PCDHGB2: variants seen among roughly 807,000 people sequenced by gnomAD.
The protein encoded by PCDHGB2 is protocadherin gamma-B2.
A neutral mutation model predicts 59.3 loss-of-function variants in PCDHGB2; 55 were observed. The ratio of observed to expected loss-of-function variants is 0.93; its 90% CI spans 0.75 to 1.16. The LOEUF is 1.16. Ranked by LOEUF, PCDHGB2 falls within the 50% of genes most tolerant of loss-of-function variation. The pLI, the probability that PCDHGB2 is intolerant of heterozygous loss-of-function variation, is 0.00. For missense variants in PCDHGB2, 1,228 were observed against 1,198.5 expected (o/e 1.02, Z -0.36); for synonymous variants, 516 against 512.0 (o/e 1.01, Z -0.11).
rs1434083091 is a variant in PCDHGB2 at position 141,450,833 on chromosome 5, T to TA, written c.2422-43974_2422-43973insA. 6.4e-3 allele frequency among the ~76,000 whole-genome samples: 943 copies of TA among 147,260 alleles called. 6 individuals carry two copies. The highest frequency in any genetic ancestry group is 0.014 in the Middle Eastern group (4 of 276). ...TTATTTAATATTATTATTATTATTT[T>TA]TTTTTTTTTGAGATGGGGTCTTGCT... is the stretch of plus-strand genomic sequence containing the variant. On this transcript the variant is annotated intron_variant, in intron 1 of 3. Coordinates refer to ENST00000522605, the MANE Select transcript of PCDHGB2 (RefSeq NM_018923.3).
chr5:141,364,350 G>C (rs1275891142), intron 1 of PCDHGB2: 2 of 1,550,364 alleles, frequency 1.3e-6, no homozygotes, highest in South Asian at 2.5e-5. Flanking sequence ...CCACCTAGGG[G>C]CTGGGGCTGC....
intron 1 of PCDHGB2, among the ~76,000 whole-genome samples, chr5:141,433,465 C>T (rs1386201581): frequency 6.6e-6 from 1 of 152,060 alleles, no homozygotes; most frequent in Non-Finnish European, 1.5e-5. Context: ...GAAACTTGGG[C>T]TCAGGCTAGC....
At chr5:141,383,449 A>C (rs1231609078) in intron 1 of PCDHGB2, 1 of 1,613,892 alleles carries the variant, frequency 6.2e-7, no homozygotes, top group South Asian at 1.1e-5. Context: ...GGCTGTGCAA[A>C]GTGGAGACGA....
intron 1 of PCDHGB2, among the ~76,000 whole-genome samples, chr5:141,460,445 G>A (rs896549154): frequency 7.2e-5 from 11 of 152,144 alleles, no homozygotes; most frequent in Admixed American, 5.9e-4. Flanking sequence ...AGGTAACAAT[G>A]AAGATTCATA....
Position 141,360,004 on chromosome 5 carries a change from C to T in PCDHGB2, c.-132C>T. The T allele has an allele frequency of 8.4e-7, 1 of 1,185,444 alleles. No homozygotes were observed. The highest frequency in any genetic ancestry group is 1.9e-5 in the South Asian group (1 of 52,060). 73.4% of individuals were successfully genotyped at this position (1,185,444 alleles called of 1,614,324 possible). A position where few individuals can be genotyped will look rare whatever the true frequency, so the allele number is the denominator to read the frequency against. ...TTAGAGGGGAACTTCCTGCACAAAC[C>T]AACCACACAGAGAAGGCCAGTATAG... On this transcript the variant is annotated 5_prime_UTR_variant, in exon 1 of 4. Transcript: ENST00000522605.
At chr5:141,414,102 A>G in intron 1 of PCDHGB2, 1 of 1,593,854 alleles carries the variant, frequency 6.3e-7, no homozygotes, top group Non-Finnish European at 8.5e-7. Context: ...AAATATCAGA[A>G]AATCTAGATT....
intron 1 of PCDHGB2, chr5:141,427,536 G>A (rs758610182): frequency 4.8e-6 from 3 of 626,396 alleles, no homozygotes; most frequent in Middle Eastern, 2.5e-4. Flanking sequence ...GGAGTACAAC[G>A]TCACCATCAC....
chr5:141,477,482 C>T lies in PCDHGB2; in HGVS notation c.2422-17325C>T, dbSNP rs1168724444. The T allele has an allele frequency of 6.2e-7, 1 of 1,614,118 alleles. No individual in the cohort carries two copies. Among genetic ancestry groups the T allele is most frequent in the Non-Finnish European group, 8.5e-7 (1 of 1,180,016 alleles). ...GTCCGACATCAATGACAACCCTCCA[C>T]AATCTTCTCAATCTTCCTACGACGT... is the stretch of plus-strand genomic sequence containing the variant. On this transcript the variant is annotated intron_variant, in intron 1 of 3. Coordinates refer to ENST00000522605, the MANE Select transcript of PCDHGB2 (RefSeq NM_018923.3). This position sits in a 1 kb window ranked among gnomAD's most constrained non-coding sequence, Gnocchi z 4.9.
At chr5:141,459,075 G>T (rs562572838) in intron 1 of PCDHGB2, among the ~76,000 whole-genome samples, 1 of 152,134 alleles carries the variant, frequency 6.6e-6, no homozygotes, top group Non-Finnish European at 1.5e-5. Context: ...CATAAAATTT[G>T]CCTTTTAAAA....
At chr5:141,364,029 G>T (rs1236372834) in intron 1 of PCDHGB2, among the ~76,000 whole-genome samples, 1 of 152,176 alleles carries the variant, frequency 6.6e-6, no homozygotes, top group Non-Finnish European at 1.5e-5. Flanking sequence ...TAAACATTAA[G>T]GATATGGCAA....
In PCDHGB2 at chr5:141,432,536, G is replaced by A. The variant is rs767744134; in HGVS notation, c.2422-62271G>A. 6.2e-7 allele frequency: 1 copy of A among 1,614,050 alleles called. No individual in the cohort carries two copies. Among genetic ancestry groups the A allele is most frequent in the Non-Finnish European group, 8.5e-7 (1 of 1,180,006 alleles). On this transcript the variant is annotated intron_variant, in intron 1 of 3. Coordinates refer to ENST00000522605, the MANE Select transcript of PCDHGB2 (RefSeq NM_018923.3). This position sits in a 1 kb window ranked among gnomAD's most constrained non-coding sequence, Gnocchi z 6.0. ...CGGCTACCTGGTGACCAAGGTGGTG[G>A]CGGTGGACAGAGACTCCGGCCAGAA...
At chr5:141,400,237 A>AT in intron 1 of PCDHGB2, 3 of 1,613,870 alleles carry the variant, frequency 1.9e-6, no homozygotes, top group Non-Finnish European at 2.5e-6. Flanking sequence ...CCTGGCCGTG[A>AT]TTCTGGCCGT....
At chr5:141,383,066 C>T (rs1305703893) in intron 1 of PCDHGB2, 1 of 1,613,826 alleles carries the variant, frequency 6.2e-7, no homozygotes, top group Admixed American at 1.7e-5. Flanking sequence ...GGGCTGGAGC[C>T]CCGGGAGCTG....
chr5:141,370,988 A>G (rs760427095), intron 1 of PCDHGB2: 1 of 1,613,750 alleles, frequency 6.2e-7, no homozygotes, highest in African/African-American at 1.3e-5. Flanking sequence ...TACTGAAAGC[A>G]CCCCTGGACA....
rs2099613082 is a variant in PCDHGB2, at chr5:141,485,421, C to T, written c.2422-9386C>T. ...TTCCGTGTGGATTTGGACAGCGGAG[C>T]CCTGCTCATCAAGAACCCAATCGAC... On this transcript the variant is annotated intron_variant, in intron 1 of 3. Coordinates refer to ENST00000522605, the MANE Select transcript of PCDHGB2 (RefSeq NM_018923.3). The surrounding 1 kb of genome is among the most constrained non-coding windows in gnomAD (Gnocchi z 5.7). The T allele has an allele frequency of 6.2e-7, 1 of 1,614,112 alleles. No individual in the cohort carries two copies. Among genetic ancestry groups the T allele is most frequent in the Non-Finnish European group, 8.5e-7 (1 of 1,180,010 alleles).
chr5:141,405,583 T>C (rs868246551), intron 1 of PCDHGB2: 1 of 588,746 alleles, frequency 1.7e-6, no homozygotes. Flanking sequence ...TAGCTGGGAC[T>C]ACAGGCCTCC....
chr5:141,366,286 C>G, intron 1 of PCDHGB2: 1 of 1,613,720 alleles, frequency 6.2e-7, no homozygotes, highest in South Asian at 1.1e-5. Flanking sequence ...ATGGCCAGCC[C>G]CCTCTGTCAG....
Position 141,418,145 on chromosome 5 carries a change from T to C in PCDHGB2, c.2421+55589T>C, listed in dbSNP as rs1329322927. On this transcript the variant is annotated intron_variant, in intron 1 of 3. Coordinates refer to ENST00000522605, the MANE Select transcript of PCDHGB2 (RefSeq NM_018923.3). ...GGACCGAATAGACCGTGAGCAAATATGCAAAGAGAGAAGAAGATGTGAGTT... is the reference window on the plus strand; with the variant it reads ...GGACCGAATAGACCGTGAGCAAATACGCAAAGAGAGAAGAAGATGTGAGTT... The C allele has an allele frequency of 5.6e-6, 9 of 1,613,934 alleles. No homozygotes were observed. In the African/African-American group the frequency reaches 8.0e-5, roughly 14 times the overall value.
At chr5:141,426,896 C>A in intron 1 of PCDHGB2, 1 of 456,782 alleles carries the variant, frequency 2.2e-6, no homozygotes, top group Non-Finnish European at 4.4e-6. Context: ...AGCAACAGAG[C>A]TCTCATCTCC....
Sources: allele counts gnomAD v4.1 joint callset (sites outside exome capture counted in the v4.1 genomes callset), GRCh38; gene constraint gnomAD v4.1.1; non-coding constraint Gnocchi (gnomAD v3.1); transcripts MANE v1.5; gene names NCBI Gene and HGNC (gene_info 2026-07-23, HGNC 2026-07-21).